RABGAP1L: variants seen among roughly 807,000 people sequenced by gnomAD.
RABGAP1L encodes RAB GTPase activating protein 1 like.
A neutral mutation model predicts 137.7 loss-of-function variants in RABGAP1L; 63 were observed. The ratio of observed to expected loss-of-function variants is 0.46; its 90% CI spans 0.37 to 0.56. RABGAP1L has a LOEUF of 0.56. Ranked by LOEUF, RABGAP1L falls within the 20% of genes least tolerant of loss-of-function variation. The pLI is 0.00. For missense variants in RABGAP1L, 1,095 were observed against 1,244.0 expected (o/e 0.88, Z 1.80); for synonymous variants, 431 against 433.7 (o/e 0.99, Z 0.08).
rs200446837 is a variant in RABGAP1L at position 174,679,339 on chromosome 1, G to A, written c.1825-4183G>A. ...ATCCAGCTAGCACTGTCTCTCAATT[G>A]CAATAGACGCATGAAAGGCATTTTA... On this transcript the variant is annotated intron_variant, in intron 14 of 25. Transcript: ENST00000681986. Among the ~76,000 whole-genome samples, 4 of 152,268 alleles carry A rather than the reference G, an allele frequency of 2.6e-5. No individual in the cohort carries two copies. The East Asian group carries it at 7.7e-4, about 29-fold the overall frequency.
rs71117567 is a variant in RABGAP1L at position 174,534,775 on chromosome 1, CAAAAAAAAAAAAAAAAA to C, written c.1711-102587_1711-102571del. 8.4e-5 allele frequency among the ~76,000 whole-genome samples: 6 copies of C among 71,612 alleles called. 1 individual carries two copies. Among genetic ancestry groups the C allele is most frequent in the Non-Finnish European group, 1.7e-4 (6 of 34,354 alleles). 47.0% of individuals were successfully genotyped at this position (71,612 alleles called of 152,430 possible). On this transcript the variant is annotated intron_variant, in intron 13 of 25. Coordinates refer to ENST00000681986, the MANE Select transcript of RABGAP1L (RefSeq NM_001366446.1). ...GGATGACAGAGCGAAACTCTGTCTC[CAAAAAAAAAAAAAAAAA>C]AAAAAAAAAAAATAATTAGAATAGT...
At chr1:174,680,050 A>G (rs1422602232) in intron 14 of RABGAP1L, among the ~76,000 whole-genome samples, 1 of 152,240 alleles carries the variant, frequency 6.6e-6, no homozygotes, top group Non-Finnish European at 1.5e-5. Context: ...TGAACCATAA[A>G]AGACAAAAAC....
chr1:174,652,735 C>T (rs181848850), intron 14 of RABGAP1L, among the ~76,000 whole-genome samples: 49 of 152,282 alleles, frequency 3.2e-4, no homozygotes, highest in African/African-American at 1.1e-3. Flanking sequence ...TGTCTGTCGA[C>T]CCCTGCTGGG....
At chr1:174,886,013 T>A (rs1655050413) in intron 19 of RABGAP1L, among the ~76,000 whole-genome samples, 1 of 45,058 alleles carries the variant, frequency 2.2e-5, no homozygotes, top group Admixed American at 2.0e-4. Context: ...GAGAAACCAA[T>A]TTTTTTTTTT....
At chr1:174,619,569 C>G (rs1262187599) in intron 13 of RABGAP1L, among the ~76,000 whole-genome samples, 1 of 152,180 alleles carries the variant, frequency 6.6e-6, no homozygotes, top group Non-Finnish European at 1.5e-5. Context: ...AAATAAACTC[C>G]TTTACAGACA....
intron 7 of RABGAP1L, among the ~76,000 whole-genome samples, chr1:174,253,791 G>A (rs1365683850): frequency 1.3e-5 from 2 of 152,130 alleles, no homozygotes; most frequent in Non-Finnish European, 2.9e-5. Context: ...TAACTTTGAA[G>A]TATTATTTTT....
intron 13 of RABGAP1L, among the ~76,000 whole-genome samples, chr1:174,400,302 A>G (rs1648414216): frequency 6.6e-6 from 1 of 152,124 alleles, no homozygotes; most frequent in South Asian, 2.1e-4. Context: ...GTCAGCAGCC[A>G]TTGCTTGCTT....
intron 18 of RABGAP1L, among the ~76,000 whole-genome samples, chr1:174,784,287 GGGATTACA>G (rs1687288730): frequency 6.6e-6 from 1 of 151,940 alleles, no homozygotes; most frequent in African/African-American, 2.4e-5. Context: ...CGAAAGTGCT[GGGATTACA>G]GGCTTGAGCC....
chr1:174,627,645 T>G (rs1390668797), intron 13 of RABGAP1L, among the ~76,000 whole-genome samples: 1 of 152,200 alleles, frequency 6.6e-6, no homozygotes, highest in Non-Finnish European at 1.5e-5. Context: ...TCAATGTCTT[T>G]TTTTGAGAAT....
chr1:174,291,240 T>C (rs1676576211), intron 10 of RABGAP1L, among the ~76,000 whole-genome samples: 1 of 151,038 alleles, frequency 6.6e-6, no homozygotes, highest in African/African-American at 2.5e-5. Flanking sequence ...TCCCCCTTTT[T>C]TTCTTATCAA....
At chr1:174,926,889 A>T (rs972275309) in intron 19 of RABGAP1L, among the ~76,000 whole-genome samples, 8 of 151,968 alleles carry the variant, frequency 5.3e-5, no homozygotes, top group African/African-American at 1.9e-4. Context: ...CCTGGCCAAT[A>T]TGGTGAAACC....
intron 6 of RABGAP1L, 125 bp from the exon 7 acceptor site, chr1:174,252,355 T>A (rs1006074124): frequency 3.5e-6 from 4 of 1,149,696 alleles, no homozygotes; most frequent in Non-Finnish European, 4.7e-6. Context: ...GGTGAGAGTT[T>A]AGTATATCTT....
rs569180716 is a variant in RABGAP1L, at chr1:174,323,655, A to G, written c.1465+18528A>G. 3.3e-5 allele frequency among the ~76,000 whole-genome samples: 5 copies of G among 152,244 alleles called. No individual in the cohort carries two copies. In the East Asian group the frequency reaches 9.7e-4, roughly 29 times the overall value. ...GCATTTTTGCAAAGTGGTTTCAAGC[A>G]TGCAAATAAACTAGTATGTTATCAA... On this transcript the variant is annotated intron_variant, in intron 11 of 25. Coordinates refer to ENST00000681986, the MANE Select transcript of RABGAP1L (RefSeq NM_001366446.1).
At chr1:174,274,612 G>T (rs553380519) in intron 8 of RABGAP1L, among the ~76,000 whole-genome samples, 2 of 151,178 alleles carry the variant, frequency 1.3e-5, no homozygotes, top group South Asian at 4.2e-4. Context: ...GACTCTGTGT[G>T]TGTGTGTGTG....
At chr1:174,307,735 T>G (rs1678432327) in intron 11 of RABGAP1L, among the ~76,000 whole-genome samples, 1 of 152,062 alleles carries the variant, frequency 6.6e-6, no homozygotes, top group Non-Finnish European at 1.5e-5. Context: ...GGACACTGGT[T>G]GGTTCCATAT....
chr1:174,486,932 T>C (rs2149343746), intron 13 of RABGAP1L, among the ~76,000 whole-genome samples: 1 of 152,326 alleles, frequency 6.6e-6, no homozygotes, highest in East Asian at 1.9e-4. Flanking sequence ...TGTATTTATA[T>C]AGTATTCAAA....
At chr1:174,924,135 TC>T (rs1369679073) in intron 19 of RABGAP1L, among the ~76,000 whole-genome samples, 1 of 152,058 alleles carries the variant, frequency 6.6e-6, no homozygotes, top group Non-Finnish European at 1.5e-5. Flanking sequence ...ACACCTGTAA[TC>T]CCAGCACTTT....
At chr1:174,869,438 C>A (rs752014366) in intron 19 of RABGAP1L, among the ~76,000 whole-genome samples, 3 of 152,120 alleles carry the variant, frequency 2.0e-5, no homozygotes, top group Non-Finnish European at 4.4e-5. Flanking sequence ...TCTCTCCTGC[C>A]GCCATGTGAA....
chr1:174,400,385 A>G (rs1478358772), intron 13 of RABGAP1L, among the ~76,000 whole-genome samples: 2 of 152,112 alleles, frequency 1.3e-5, no homozygotes. Context: ...TAAAATCCAC[A>G]GGAGCAAAGA....
Sources: allele counts gnomAD v4.1 joint callset (sites outside exome capture counted in the v4.1 genomes callset), GRCh38; gene constraint gnomAD v4.1.1; transcripts MANE v1.5; gene names NCBI Gene and HGNC (gene_info 2026-07-23, HGNC 2026-07-21).